The following FAM227B variants were observed in gnomAD, a reference collection of about 807,000 sequenced individuals.
FAM227B encodes the protein family with sequence similarity 227 member B.
A neutral mutation model predicts 73.8 loss-of-function variants in FAM227B; 88 were observed. The observed-to-expected ratio is 1.19, with a 90% confidence interval of 1.00 to 1.42. FAM227B has a LOEUF of 1.42. Among genes scored for constraint, FAM227B ranks in the 40% most tolerant of loss-of-function variants. The pLI is 0.00. For synonymous variants in FAM227B, 210 were observed against 190.5 expected (o/e 1.10, Z -0.84); for missense variants, 632 against 590.9 (o/e 1.07, Z -0.72).
intron 11 of FAM227B, among the ~76,000 whole-genome samples, chr15:49,438,868 AAAGAT>A (rs2051350022): frequency 1.3e-5 from 2 of 151,654 alleles, no homozygotes; most frequent in African/African-American, 4.8e-5. Flanking sequence ...TGAGAGAAGG[AAAGAT>A]AAGAGAGAGG....
intron 9 of FAM227B, among the ~76,000 whole-genome samples, chr15:49,553,158 T>C (rs1266677049): frequency 1.3e-5 from 2 of 152,222 alleles, no homozygotes; most frequent in Non-Finnish European, 2.9e-5. Flanking sequence ...ATATAAGCTG[T>C]ATCTACTTTA....
At chr15:49,440,899 T>G (rs1221401896) in intron 11 of FAM227B, among the ~76,000 whole-genome samples, 1 of 151,804 alleles carries the variant, frequency 6.6e-6, no homozygotes, top group African/African-American at 2.4e-5. Context: ...TTTTAAGTTT[T>G]CTATCAAGAT....
rs1453723284 is a variant in FAM227B at position 49,615,194 on chromosome 15, G to T, written c.-23C>A. Reference sequence around the variant, plus strand: ...CATGGTACAGTAACTTTGCAGAAATGAAGAGAAATCAGCTGGGTCTTAGGC... The same window carrying T: ...CATGGTACAGTAACTTTGCAGAAATTAAGAGAAATCAGCTGGGTCTTAGGC... On this transcript the variant is annotated 5_prime_UTR_variant, in exon 2 of 16. Coordinates refer to ENST00000299338, the MANE Select transcript of FAM227B (RefSeq NM_152647.3). 6.2e-7 allele frequency: 1 copy of T among 1,613,072 alleles called. No individual in the cohort carries two copies. The highest frequency in any genetic ancestry group is 1.7e-5 in the Admixed American group (1 of 60,016).
rs796713705 is a variant in FAM227B at position 49,489,841 on chromosome 15, T to TTATATA, written c.1012+18364_1012+18369dup. On this transcript the variant is annotated intron_variant, in intron 11 of 15. Coordinates refer to ENST00000299338, the MANE Select transcript of FAM227B (RefSeq NM_152647.3). ...TATATTTTATATATATATATATATT[T>TTATATA]TATATATATATATATATTTTATATA... Among the ~76,000 whole-genome samples, 3 of 23,000 alleles carry TTATATA rather than the reference T, an allele frequency of 1.3e-4. No individual in the cohort carries two copies. The East Asian group carries it at 9.7e-3, about 75-fold the overall frequency. 15.1% of individuals were successfully genotyped at this position (23,000 alleles called of 152,430 possible).
intron 11 of FAM227B, among the ~76,000 whole-genome samples, chr15:49,504,331 C>T (rs564103520): frequency 7.9e-5 from 12 of 151,182 alleles, no homozygotes; most frequent in East Asian, 3.9e-4. Flanking sequence ...ATGTAAATGA[C>T]GAGTTAATGG....
chr15:49,544,904 G>A (rs944523826), intron 9 of FAM227B, among the ~76,000 whole-genome samples: 4 of 152,140 alleles, frequency 2.6e-5, no homozygotes, highest in African/African-American at 9.7e-5. Flanking sequence ...GAATTGGTTA[G>A]CTAGTATTTC....
chr15:49,516,227 C>T (rs1359251998), intron 10 of FAM227B, among the ~76,000 whole-genome samples: 4 of 152,094 alleles, frequency 2.6e-5, no homozygotes, highest in Non-Finnish European at 5.9e-5. Context: ...CAGACATTCT[C>T]AGGATTGTCA....
intron 10 of FAM227B, among the ~76,000 whole-genome samples, chr15:49,510,573 G>T (rs1262706537): frequency 1.3e-5 from 2 of 152,020 alleles, no homozygotes; most frequent in Non-Finnish European, 2.9e-5. Context: ...CTGCCAATGT[G>T]CTCGAATCTG....
At chr15:49,588,547 C>CTATATATATATATATATA (rs71120695) in intron 4 of FAM227B, among the ~76,000 whole-genome samples, 2 of 38,054 alleles carry the variant, frequency 5.3e-5, no homozygotes, top group Non-Finnish European at 1.0e-4. Flanking sequence ...ATATTGAGGA[C>CTATATATATATATATATA]TATATATATA....
At chr15:49,536,374 A>G (rs1250999730) in intron 10 of FAM227B, among the ~76,000 whole-genome samples, 1 of 151,886 alleles carries the variant, frequency 6.6e-6, no homozygotes. Context: ...GGAGGTAAAA[A>G]GTCTGCAGAC....
chr15:49,465,920 G>A (rs566452469), intron 11 of FAM227B, among the ~76,000 whole-genome samples: 1 of 152,272 alleles, frequency 6.6e-6, no homozygotes, highest in African/African-American at 2.4e-5. Context: ...TATTGAGGGT[G>A]TGTCAAATAC....
At chr15:49,527,144 A>C (rs115072225) in intron 10 of FAM227B, among the ~76,000 whole-genome samples, 2,521 of 152,124 alleles carry the variant, frequency 0.017, 31 homozygotes, top group Middle Eastern at 0.037. Context: ...TCAAAAAAAC[A>C]ACCAGCAAAC....
intron 11 of FAM227B, among the ~76,000 whole-genome samples, chr15:49,389,518 CT>C (rs1185640963): frequency 1.3e-5 from 2 of 151,702 alleles, no homozygotes; most frequent in Admixed American, 1.3e-4. Flanking sequence ...AGATACAAAA[CT>C]ACACATTAGG....
rs140476532 is a variant in FAM227B, at chr15:49,568,320, T to A, written c.672A>T (p.Leu224Phe). ...FRPDRENQDC[L>F]FDRISESYVT... is the part of the protein sequence containing the mutation. ...CATAACTTTCTGAAATTCTATCGAA[T>A]AAGCAATCTTGGTTTTCTCTGTCAG... Residue 224 changes from leucine (L) to phenylalanine (F), a missense_variant, in exon 9 of 16, where the codon TTA becomes TTT. Transcript: ENST00000299338. The A allele has an allele frequency of 3.1e-6, 5 of 1,611,156 alleles. No individual in the cohort carries two copies. In the East Asian group the frequency reaches 1.1e-4, roughly 36 times the overall value.
At chr15:49,453,656 C>T (rs1453059646) in intron 11 of FAM227B, among the ~76,000 whole-genome samples, 1 of 152,144 alleles carries the variant, frequency 6.6e-6, no homozygotes, top group Non-Finnish European at 1.5e-5. Context: ...GTAATTGTAT[C>T]TAGACTCATG....
At chr15:49,522,884 T>A (rs59578768) in intron 10 of FAM227B, among the ~76,000 whole-genome samples, 3,013 of 152,192 alleles carry the variant, frequency 0.02, 123 homozygotes, top group African/African-American at 0.069. Context: ...TTCAGGAAAA[T>A]TTCCCTGATC....
chr15:49,334,770 G>C (rs2039413636), intron 14 of FAM227B, among the ~76,000 whole-genome samples: 1 of 152,102 alleles, frequency 6.6e-6, no homozygotes, highest in African/African-American at 2.4e-5. Context: ...GCACCCAAAA[G>C]GGAGGATCAT....
intron 11 of FAM227B, chr15:49,434,419 G>C (rs191671822): frequency 7.5e-4 from 114 of 151,546 alleles, no homozygotes; most frequent in African/African-American, 2.7e-3. Flanking sequence ...CTCCAAGTCA[G>C]AGTGAGTAAG....
chr15:49,421,994 T>G (rs1013030880), intron 11 of FAM227B, among the ~76,000 whole-genome samples: 7 of 152,210 alleles, frequency 4.6e-5, no homozygotes, highest in African/African-American at 9.7e-5. Flanking sequence ...GTGCTCTTCA[T>G]TCTGTTCCCT....
Sources: allele counts gnomAD v4.1 joint callset (sites outside exome capture counted in the v4.1 genomes callset), GRCh38; gene constraint gnomAD v4.1.1; transcripts MANE v1.5; gene names NCBI Gene and HGNC (gene_info 2026-07-23, HGNC 2026-07-21).